The following NFIA variants were observed in gnomAD, a reference collection of about 807,000 sequenced individuals.
NFIA encodes nuclear factor 1 A-type.
A neutral mutation model predicts 62.8 loss-of-function variants in NFIA; 8 were observed. That is an observed-to-expected ratio of 0.13 (90% CI 0.07 to 0.23). The LOEUF (loss-of-function observed/expected upper bound fraction) is 0.23. Ranked by LOEUF, NFIA falls within the 10% of genes least tolerant of loss-of-function variation. The pLI, the probability that NFIA is intolerant of heterozygous loss-of-function variation, is 1.00. For missense variants in NFIA, 410 were observed against 642.1 expected, an observed-to-expected ratio of 0.64 and a Z score of 3.91; for synonymous variants, 235 against 238.1, an observed-to-expected ratio of 0.99 and a Z score of 0.12.
At chr1:61,453,672 G>C (rs537102347) in intron 10 of NFIA, among the ~76,000 whole-genome samples, 1 of 152,038 alleles carries the variant, frequency 6.6e-6, no homozygotes, top group Non-Finnish European at 1.5e-5. Context: ...GAAATAGTAA[G>C]CATTATTCCC....
intron 6 of NFIA, among the ~76,000 whole-genome samples, chr1:61,380,413 A>G (rs540297202): frequency 6.6e-6 from 1 of 152,290 alleles, no homozygotes; most frequent in South Asian, 2.1e-4. Flanking sequence ...ATTAATCCAT[A>G]CAGTAATTTT....
In NFIA at chr1:61,455,881, T is replaced by C. The variant is rs1668281995; in HGVS notation, c.*561T>C. 1 of 153,330 alleles carries C rather than the reference T, an allele frequency of 6.5e-6. No homozygotes were observed. The highest frequency in any genetic ancestry group is 2.1e-4 in the South Asian group (1 of 4,866). 9.5% of individuals were successfully genotyped at this position (153,330 alleles called of 1,614,324 possible). A position where few individuals can be genotyped will look rare whatever the true frequency, so the allele number is the denominator to read the frequency against. On this transcript the variant is annotated 3_prime_UTR_variant, in exon 11 of 11. Transcript: ENST00000403491. ...AATGCAGTTATATTCCTTTTTTATT[T>C]GTTCCTTTAGTTTGTTTTGGTTCAG...
At chr1:61,125,032 G>A (rs1411519963) in intron 2 of NFIA, 1 of 152,172 alleles carries the variant, frequency 6.6e-6, no homozygotes, top group East Asian at 1.9e-4. Context: ...TGCCTTAGGA[G>A]GCATGGAACC....
chr1:61,334,033 A>G (rs1261318751), intron 4 of NFIA, among the ~76,000 whole-genome samples: 1 of 152,176 alleles, frequency 6.6e-6, no homozygotes, highest in Non-Finnish European at 1.5e-5. Context: ...CAAATAGCGG[A>G]TAAATCGTTA....
intron 10 of NFIA, among the ~76,000 whole-genome samples, chr1:61,435,788 C>T (rs1336194389): frequency 2.0e-5 from 3 of 152,218 alleles, no homozygotes; most frequent in South Asian, 2.1e-4. Context: ...AGGAAGAAGG[C>T]GCAATAGGTA....
Position 61,400,711 on chromosome 1 carries a change from A to G in NFIA, c.1076-3393A>G, listed in dbSNP as rs370426435. On this transcript the variant is annotated intron_variant, in intron 7 of 10. Transcript: ENST00000403491. ...TCTGGACTCATACCATTCTTCGTGC[A>G]TTCCATTAGCATCATGCCAAATTCA... 2.4e-4 allele frequency among the ~76,000 whole-genome samples: 36 copies of G among 152,332 alleles called. 1 individual carries two copies. In the South Asian group the frequency reaches 7.3e-3, roughly 31 times the overall value.
At chr1:61,334,164 G>A (rs12758060) in intron 4 of NFIA, among the ~76,000 whole-genome samples, 1,535 of 152,286 alleles carry the variant, frequency 0.01, 23 homozygotes, top group South Asian at 0.048. Context: ...GGTTAGAATT[G>A]TGGGAGTCAA....
upstream of NFIA, chr1:61,081,864 A>C: frequency 6.5e-7 from 1 of 1,537,928 alleles, no homozygotes; most frequent in Non-Finnish European, 8.7e-7. Flanking sequence ...GAGAGATTAC[A>C]ATGCTTTGAG....
intron 2 of NFIA, among the ~76,000 whole-genome samples, chr1:61,250,597 A>G (rs892476946): frequency 1.3e-5 from 2 of 152,188 alleles, no homozygotes; most frequent in South Asian, 2.1e-4. Context: ...ATTATGGGCC[A>G]ATTTAGTGCC....
At chr1:61,197,922 A>G (rs1349367060) in intron 2 of NFIA, among the ~76,000 whole-genome samples, 1 of 152,138 alleles carries the variant, frequency 6.6e-6, no homozygotes, top group African/African-American at 2.4e-5. Flanking sequence ...CGGAGGTTGC[A>G]GTGAGCCAAG....
intron 3 of NFIA, among the ~76,000 whole-genome samples, chr1:61,289,328 T>C (rs914132843): frequency 7.9e-5 from 12 of 152,190 alleles, no homozygotes; most frequent in Non-Finnish European, 1.5e-4. Context: ...ACCAGAGCCA[T>C]GCACTGTGCT....
At chr1:61,408,308 A>G (rs1665944881) in intron 9 of NFIA, among the ~76,000 whole-genome samples, 1 of 152,250 alleles carries the variant, frequency 6.6e-6, no homozygotes, top group Admixed American at 6.5e-5. Flanking sequence ...TCAGCTTAGA[A>G]GGAAAGCCTC....
chr1:61,402,450 CTGTT>C (rs1665615344), intron 7 of NFIA, among the ~76,000 whole-genome samples: 1 of 152,188 alleles, frequency 6.6e-6, no homozygotes, highest in Non-Finnish European at 1.5e-5. Flanking sequence ...TTATTAACCT[CTGTT>C]TATTCAGTCA....
At chr1:61,422,799 C>T (rs951490909) in intron 9 of NFIA, among the ~76,000 whole-genome samples, 6 of 151,456 alleles carry the variant, frequency 4.0e-5, no homozygotes, top group Non-Finnish European at 8.8e-5. Flanking sequence ...TACTAACCCT[C>T]TCCACCCCAC....
intron 3 of NFIA, among the ~76,000 whole-genome samples, chr1:61,327,625 G>T (rs948105654): frequency 1.3e-4 from 19 of 151,606 alleles, no homozygotes; most frequent in Admixed American, 1.2e-3. Context: ...GTATTCCATG[G>T]TATATATATA....
intron 2 of NFIA, among the ~76,000 whole-genome samples, chr1:61,272,109 C>T (rs1451854973): frequency 1.3e-5 from 2 of 152,010 alleles, no homozygotes; most frequent in African/African-American, 4.8e-5. Context: ...TGCATATTTT[C>T]GGTGGTCCGG....
chr1:61,453,443 C>CTTTTTTTTTTTTTTTTTTT (rs11336299), intron 10 of NFIA, among the ~76,000 whole-genome samples: 1 of 78,870 alleles, frequency 1.3e-5, no homozygotes, highest in Non-Finnish European at 2.3e-5. Context: ...TGTGAAGAAA[C>CTTTTTTTTTTTTTTTTTTT]TTTTTTTTTT....
chr1:61,285,244 C>T lies in NFIA; in HGVS notation c.625+7659C>T, dbSNP rs189664502. Among the ~76,000 whole-genome samples the T allele has an allele frequency of 1.0e-3, 157 of 152,208 alleles. 1 individual carries two copies. In the East Asian group the frequency reaches 0.022, roughly 21 times the overall value. Reference sequence around the variant, plus strand: ...AGGACCACTTCTAATGGCCACTTTTCATACCTCCCCATCAATTAAAAACCA... The same window carrying T: ...AGGACCACTTCTAATGGCCACTTTTTATACCTCCCCATCAATTAAAAACCA... On this transcript the variant is annotated intron_variant, in intron 3 of 10. Coordinates refer to ENST00000403491, the MANE Select transcript of NFIA (RefSeq NM_001134673.4).
Position 61,406,543 on chromosome 1 carries a change from G to GGGGCCCC in NFIA, c.1255-19_1255-18insGGGCCCC. Reference sequence around the variant, plus strand: ...TCTTTTTCTTGTACGTGTGTTTTCTGCCCCCCCCCCCCCCACAGCCCAATG... The same window carrying GGGGCCCC: ...TCTTTTTCTTGTACGTGTGTTTTCTGGGGCCCCCCCCCCCCCCCCCCACAGCCCAATG... On this transcript the variant is annotated intron_variant, in intron 8 of 10. Coordinates refer to ENST00000403491, the MANE Select transcript of NFIA (RefSeq NM_001134673.4). 1 of 876,644 alleles carries GGGGCCCC rather than the reference G, an allele frequency of 1.1e-6. No homozygotes were observed. The highest frequency in any genetic ancestry group is 1.5e-6 in the Non-Finnish European group (1 of 653,734). 54.3% of individuals were successfully genotyped at this position (876,644 alleles called of 1,614,324 possible). A position where few individuals can be genotyped will look rare whatever the true frequency, so the allele number is the denominator to read the frequency against.
Sources: allele counts gnomAD v4.1 joint callset (sites outside exome capture counted in the v4.1 genomes callset), GRCh38; gene constraint gnomAD v4.1.1; transcripts MANE v1.5; gene names NCBI Gene and HGNC (gene_info 2026-07-23, HGNC 2026-07-21).